Variants in PCDHA5 observed in about 807,000 individuals in gnomAD.
PCDHA5 encodes the protein protocadherin alpha 5.
A neutral mutation model predicts 61.6 loss-of-function variants in PCDHA5; 43 were observed. That is an observed-to-expected ratio of 0.70 (90% CI 0.55 to 0.90). The LOEUF (loss-of-function observed/expected upper bound fraction) is 0.90, where lower values mean the gene tolerates loss of function less well. Among genes scored for constraint, PCDHA5 ranks in the 40% least tolerant of loss-of-function variants. The pLI, the probability that PCDHA5 is intolerant of heterozygous loss-of-function variation, is 0.00. For synonymous variants in PCDHA5, 627 were observed against 543.9 expected (o/e 1.15, Z -2.13); for missense variants, 1,298 against 1,222.7 (o/e 1.06, Z -0.92).
chr5:140,904,700 C>A (rs1228017325), intron 1 of PCDHA5, among the ~76,000 whole-genome samples: 1 of 152,028 alleles, frequency 6.6e-6, no homozygotes, highest in Non-Finnish European at 1.5e-5. Flanking sequence ...AAATTGTTCC[C>A]TTTTCACCAC....
chr5:140,831,520 CTTTTTTT>C (rs35178185), intron 1 of PCDHA5, among the ~76,000 whole-genome samples: 8 of 122,400 alleles, frequency 6.5e-5, no homozygotes, highest in African/African-American at 9.5e-5. Context: ...TGCCCCCCAC[CTTTTTTT>C]TTTTTTTTTT....
intron 1 of PCDHA5, among the ~76,000 whole-genome samples, chr5:140,894,932 A>G (rs2064735231): frequency 6.6e-6 from 1 of 152,184 alleles, no homozygotes; most frequent in Non-Finnish European, 1.5e-5. Flanking sequence ...ATTTCTATTC[A>G]GCTATTGTCA....
intron 1 of PCDHA5, chr5:140,858,274 G>T: frequency 6.3e-7 from 1 of 1,597,416 alleles, no homozygotes; most frequent in Non-Finnish European, 8.6e-7. Flanking sequence ...GCTCTAGCGC[G>T]GTGGGGAGCT....
At chr5:140,996,802 T>C (rs1554255415) in intron 3 of PCDHA5, among the ~76,000 whole-genome samples, 1 of 152,218 alleles carries the variant, frequency 6.6e-6, no homozygotes, top group Non-Finnish European at 1.5e-5. Flanking sequence ...CATCCAATCA[T>C]GCTTTCCAAA....
At chr5:140,929,935 T>C (rs1253092331) in intron 1 of PCDHA5, 1 of 152,218 alleles carries the variant, frequency 6.6e-6, no homozygotes, top group Non-Finnish European at 1.5e-5. Context: ...CAGTGTATTC[T>C]CTAGCCTATA....
In PCDHA5 at chr5:141,011,633, G is replaced by A. The variant is rs988824031; in HGVS notation, c.*1696G>A. ...TTATGGTCCAGCCAAGAGCCATCTC[G>A]TGCCAAGACTTCTGCTGGCAAGGGA... is the stretch of plus-strand genomic sequence containing the variant. On this transcript the variant is annotated 3_prime_UTR_variant, in exon 4 of 4. Transcript: ENST00000529859. The A allele has an allele frequency of 6.5e-6, 1 of 153,624 alleles. No homozygotes were observed. Among genetic ancestry groups the A allele is most frequent in the Non-Finnish European group, 1.5e-5 (1 of 68,022 alleles). The allele number at this position is 153,624 out of a possible 1,614,324, so 9.5% of individuals were successfully genotyped here. A position where few individuals can be genotyped will look rare whatever the true frequency, so the allele number is the denominator to read the frequency against.
chr5:140,848,527 G>T lies in PCDHA5; in HGVS notation c.2352+24400G>T, dbSNP rs1379026024. The T allele has an allele frequency of 1.3e-6, 2 of 1,594,382 alleles. 1 individual carries two copies. Among genetic ancestry groups the T allele is most frequent in the Non-Finnish European group, 1.7e-6 (2 of 1,164,866 alleles). On this transcript the variant is annotated intron_variant, in intron 1 of 3. Transcript: ENST00000529859. ...TACTCAAGTCGAGGAGATCCAGAGG[G>T]TCAGCCTCTACTGCTCTCGCTTCTG...
chr5:140,953,187 T>A (rs2094856489), intron 1 of PCDHA5, among the ~76,000 whole-genome samples: 1 of 152,148 alleles, frequency 6.6e-6, no homozygotes, highest in South Asian at 2.1e-4. Flanking sequence ...AGAATAAACT[T>A]GATTAGACTA....
At chr5:140,836,123 T>C in intron 1 of PCDHA5, 1 of 1,613,656 alleles carries the variant, frequency 6.2e-7, no homozygotes, top group Non-Finnish European at 8.5e-7. Flanking sequence ...TGAGAGAGCT[T>C]GTGCCGCGGT....
chr5:140,981,959 A>C (rs76200785), intron 2 of PCDHA5, among the ~76,000 whole-genome samples: 3,104 of 152,312 alleles, frequency 0.02, 114 homozygotes, highest in African/African-American at 0.071. Flanking sequence ...TCATCTATGC[A>C]TAAAAGATAT....
chr5:140,962,637 T>A (rs556134281), intron 1 of PCDHA5, among the ~76,000 whole-genome samples: 3 of 152,338 alleles, frequency 2.0e-5, no homozygotes, highest in Admixed American at 6.5e-5. Flanking sequence ...AATTTAGCCA[T>A]CAAGTTATGT....
At chr5:140,888,443 A>C (rs1374471673) in intron 1 of PCDHA5, among the ~76,000 whole-genome samples, 2 of 152,172 alleles carry the variant, frequency 1.3e-5, no homozygotes, top group Non-Finnish European at 2.9e-5. Context: ...GCCGCCCAAC[A>C]ATAAAGAATT....
At chr5:140,981,017 G>T (rs782757397) in intron 2 of PCDHA5, among the ~76,000 whole-genome samples, 42 of 152,076 alleles carry the variant, frequency 2.8e-4, no homozygotes, top group Non-Finnish European at 5.3e-4. Flanking sequence ...ACACTTGAAG[G>T]CTGTTAATAT....
chr5:140,946,631 T>TATATATATATATATATATACAC lies in PCDHA5; in HGVS notation c.2353-32317_2353-32316insTATATATATATATATATACACA, dbSNP rs57893927. Among the ~76,000 whole-genome samples the TATATATATATATATATATACAC allele has an allele frequency of 6.1e-4, 80 of 131,840 alleles. 1 individual carries two copies. The East Asian group carries it at 6.6e-3, about 11-fold the overall frequency. The allele number at this position is 131,840 out of a possible 152,430, so 86.5% of individuals were successfully genotyped here. A position where few individuals can be genotyped will look rare whatever the true frequency, so the allele number is the denominator to read the frequency against. ...TGTGAAATATATATATATATATATATACAATGGAATACTCATCAGCCATTA... is the reference window on the plus strand; with the variant it reads ...TGTGAAATATATATATATATATATATATATATATATATATATATACACACAATGGAATACTCATCAGCCATTA... On this transcript the variant is annotated intron_variant, in intron 1 of 3. Transcript: ENST00000529859.
chr5:140,844,051 CAA>C (rs1431845216), intron 1 of PCDHA5, among the ~76,000 whole-genome samples: 4 of 149,544 alleles, frequency 2.7e-5, no homozygotes, highest in African/African-American at 9.8e-5. Flanking sequence ...AGTATTCCCC[CAA>C]AGCGTTTATT....
At chr5:140,888,551 T>G (rs2061873493) in intron 1 of PCDHA5, among the ~76,000 whole-genome samples, 1 of 152,240 alleles carries the variant, frequency 6.6e-6, no homozygotes, top group Admixed American at 6.5e-5. Flanking sequence ...TACCAATTTA[T>G]TCCTTTCAAG....
rs2150411782 is a variant in PCDHA5 at position 140,848,517 on chromosome 5, G to T, written c.2352+24390G>T. 2.4e-5 allele frequency: 38 copies of T among 1,592,614 alleles called. 5 individuals carry two copies. The highest frequency in any genetic ancestry group is 3.3e-4 in the Middle Eastern group (2 of 5,984). On this transcript the variant is annotated intron_variant, in intron 1 of 3. Coordinates refer to ENST00000529859, the MANE Select transcript of PCDHA5 (RefSeq NM_018908.3). ...TGAAATGTTATACTCAAGTCGAGGAGATCCAGAGGGTCAGCCTCTACTGCT... is the reference window on the plus strand; with the variant it reads ...TGAAATGTTATACTCAAGTCGAGGATATCCAGAGGGTCAGCCTCTACTGCT...
intron 1 of PCDHA5, among the ~76,000 whole-genome samples, chr5:140,974,053 T>C (rs529581642): frequency 6.6e-6 from 1 of 152,346 alleles, no homozygotes; most frequent in African/African-American, 2.4e-5. Flanking sequence ...TATGATAATA[T>C]TTGGAGCAGT....
intron 1 of PCDHA5, chr5:140,875,640 G>A (rs782266115): frequency 2.5e-6 from 4 of 1,613,688 alleles, no homozygotes; most frequent in Non-Finnish European, 3.4e-6. Context: ...GGCTGGAGCT[G>A]GCGGAGCTGG....
Sources: allele counts gnomAD v4.1 joint callset (sites outside exome capture counted in the v4.1 genomes callset), GRCh38; gene constraint gnomAD v4.1.1; transcripts MANE v1.5; gene names NCBI Gene and HGNC (gene_info 2026-07-23, HGNC 2026-07-21).